Variants in GPRC6A observed in about 807,000 individuals in gnomAD.
GPRC6A encodes the protein G protein-coupled receptor family C group 6 member A.
In GPRC6A, 54 loss-of-function variants were observed where a neutral mutation model predicts 47.0. The ratio of observed to expected loss-of-function variants is 1.15; its 90% CI spans 0.92 to 1.44. The LOEUF (loss-of-function observed/expected upper bound fraction) is 1.44. GPRC6A is among the 40% of genes most tolerant of loss of function. The pLI is 0.00. For missense variants in GPRC6A, 1,112 were observed against 1,105.5 expected, an observed-to-expected ratio of 1.01 and a Z score of -0.08; for synonymous variants, 347 against 377.1, an observed-to-expected ratio of 0.92 and a Z score of 0.93.
intron 1 of GPRC6A, among the ~76,000 whole-genome samples, chr6:116,818,710 C>G (rs570885704): frequency 6.6e-6 from 1 of 151,462 alleles, no homozygotes; most frequent in South Asian, 2.1e-4. Context: ...GAAGGAAGCG[C>G]TAAACATGGA....
intron 1 of GPRC6A, among the ~76,000 whole-genome samples, chr6:116,817,385 G>A (rs1161013353): frequency 2.6e-5 from 4 of 151,024 alleles, no homozygotes; most frequent in African/African-American, 9.7e-5. Context: ...AAACCCATCT[G>A]TACATCACCA....
chr6:116,806,849 G>A lies in GPRC6A; in HGVS notation c.856C>T (p.Leu286Phe). ...TTCATTTCAATGGCTTTATTGAAGA[G>A]ATCAAAAACATGGAATTGCCTCAGA... ...VFLRQFHVFD[L>F]FNKAIEMNIN... The change falls in exon 3 of 6, where the codon CTC (leucine) becomes TTC (phenylalanine). Residue 286 changes from leucine (L) to phenylalanine (F), a missense_variant. Coordinates refer to ENST00000310357, the MANE Select transcript of GPRC6A (RefSeq NM_148963.4). 6.2e-7 allele frequency: 1 copy of A among 1,613,138 alleles called. No homozygotes were observed. Among genetic ancestry groups the A allele is most frequent in the Non-Finnish European group, 8.5e-7 (1 of 1,179,378 alleles).
intron 1 of GPRC6A, among the ~76,000 whole-genome samples, chr6:116,817,069 C>A (rs1340045947): frequency 6.6e-6 from 1 of 152,160 alleles, no homozygotes; most frequent in Non-Finnish European, 1.5e-5. Flanking sequence ...TCTGTAGGCT[C>A]CACCTCTGGG....
chr6:116,810,377 T>A (rs988734273), intron 1 of GPRC6A, among the ~76,000 whole-genome samples: 3 of 152,232 alleles, frequency 2.0e-5, no homozygotes, highest in African/African-American at 7.2e-5. Context: ...AATATTACTA[T>A]TTGTCATTGT....
chr6:116,821,703 A>AG (rs1773487498), intron 1 of GPRC6A, among the ~76,000 whole-genome samples: 1 of 152,026 alleles, frequency 6.6e-6, no homozygotes, highest in African/African-American at 2.4e-5. Context: ...TTAGACAAAA[A>AG]TCAATTCAAC....
chr6:116,827,199 G>T (rs1018020444), intron 1 of GPRC6A, among the ~76,000 whole-genome samples: 1 of 151,874 alleles, frequency 6.6e-6, no homozygotes, highest in Non-Finnish European at 1.5e-5. Context: ...TAGAAGAGAG[G>T]ACTTGAATTG....
chr6:116,795,684 C>T, intron 5 of GPRC6A, 28 bp downstream of exon 5: 1 of 1,525,528 alleles, frequency 6.6e-7, no homozygotes, highest in Non-Finnish European at 8.9e-7. Flanking sequence ...AGGAATGATT[C>T]AGGTGTATGT....
At position 116,800,697 on chromosome 6, in the gene GPRC6A, A is replaced by G. The variant is rs1456883862; in HGVS notation, c.1435T>C (p.Trp479Arg). ...GTCATGTGTCCATTGATCTCCTTCC[A>G]GAGCACAACATCATATCCAGTATTT... is the stretch of plus-strand genomic sequence containing the variant. ...DLNTGYDVVLWKEINGHMTVT... is the reference protein window; with the variant it reads ...DLNTGYDVVLRKEINGHMTVT... The change falls in exon 4 of 6, where the codon TGG becomes CGG. Residue 479 changes from tryptophan to arginine, a missense_variant. By Grantham distance (101) the Trp-to-Arg change is moderately radical (BLOSUM62 -3). Transcript: ENST00000310357. 1.2e-6 allele frequency: 2 copies of G among 1,610,342 alleles called. No homozygotes were observed. Among genetic ancestry groups the G allele is most frequent in the African/African-American group, 1.3e-5 (1 of 74,840 alleles).
chr6:116,798,179 G>C (rs1184546800), intron 4 of GPRC6A, among the ~76,000 whole-genome samples: 1 of 152,136 alleles, frequency 6.6e-6, no homozygotes, highest in Non-Finnish European at 1.5e-5. Context: ...GTGTTAAGGA[G>C]AAAAATAAGG....
At chr6:116,815,204 C>A (rs1773166689) in intron 1 of GPRC6A, among the ~76,000 whole-genome samples, 1 of 152,120 alleles carries the variant, frequency 6.6e-6, no homozygotes. Context: ...AACTTACGAC[C>A]AGGCATGGTA....
At chr6:116,819,977 A>C (rs1004041331) in intron 1 of GPRC6A, among the ~76,000 whole-genome samples, 3 of 150,404 alleles carry the variant, frequency 2.0e-5, no homozygotes, top group Non-Finnish European at 3.0e-5. Context: ...CTAATAAAGA[A>C]AAAAAGAGAG....
intron 1 of GPRC6A, among the ~76,000 whole-genome samples, chr6:116,821,597 C>G (rs957493666): frequency 6.6e-6 from 1 of 151,936 alleles, no homozygotes; most frequent in Non-Finnish European, 1.5e-5. Flanking sequence ...CTGAGAAAAA[C>G]AAGCAATGGG....
chr6:116,797,713 T>C (rs1582454601), intron 4 of GPRC6A, among the ~76,000 whole-genome samples: 1 of 152,188 alleles, frequency 6.6e-6, no homozygotes, highest in Non-Finnish European at 1.5e-5. Context: ...CAGTGTTTCT[T>C]GCAAAAATAA....
At chr6:116,796,825 C>T (rs1456882929) in intron 4 of GPRC6A, among the ~76,000 whole-genome samples, 1 of 152,144 alleles carries the variant, frequency 6.6e-6, no homozygotes. Flanking sequence ...CCAGGGCAAA[C>T]TTTTAACGTA....
chr6:116,813,832 T>C lies in GPRC6A; in HGVS notation c.195-4215A>G, dbSNP rs144493932. 4.0e-3 allele frequency among the ~76,000 whole-genome samples: 614 copies of C among 152,222 alleles called. 8 individuals carry two copies. Among genetic ancestry groups the C allele is most frequent in the Admixed American group, 0.02 (307 of 15,294 alleles). The stretch of plus-strand genomic sequence containing the variant: ...TAGAGTGAACAGGCAACTTACAGAA[T>C]GGGAGAAAATTATTGCAATCTACCC... On this transcript the variant is annotated intron_variant, in intron 1 of 5. Coordinates refer to ENST00000310357, the MANE Select transcript of GPRC6A (RefSeq NM_148963.4).
rs1239301853 is a variant in GPRC6A, at chr6:116,800,815, G to A, written c.1336-19C>T. 1 of 1,456,542 alleles carries A rather than the reference G, an allele frequency of 6.9e-7. No homozygotes were observed. The highest frequency in any genetic ancestry group is 2.3e-5 in the East Asian group (1 of 43,954). The allele number at this position is 1,456,542 out of a possible 1,614,324, so 90.2% of individuals were successfully genotyped here. The stretch of plus-strand genomic sequence containing the variant: ...CAAGTAACTATAAAAAATAAAAACA[G>A]AGATAAGCACTTAATATAAATGTTG... On this transcript the variant is annotated intron_variant, in intron 3 of 5. Transcript: ENST00000310357.
chr6:116,820,390 G>A (rs1316627007), intron 1 of GPRC6A, among the ~76,000 whole-genome samples: 1 of 152,016 alleles, frequency 6.6e-6, no homozygotes, highest in African/African-American at 2.4e-5. Flanking sequence ...CCAAAGCTGG[G>A]CAGAGACACA....
At chr6:116,804,937 T>C (rs548532244) in intron 3 of GPRC6A, among the ~76,000 whole-genome samples, 1 of 152,182 alleles carries the variant, frequency 6.6e-6, no homozygotes, top group East Asian at 1.9e-4. Context: ...TGTGGTGGTA[T>C]TATTACTGTA....
At chr6:116,808,689 T>G (rs1285535147) in intron 2 of GPRC6A, among the ~76,000 whole-genome samples, 1 of 152,174 alleles carries the variant, frequency 6.6e-6, no homozygotes, top group East Asian at 1.9e-4. Context: ...CTTTTCTAAC[T>G]TTTGGCTTCT....
Sources: allele counts gnomAD v4.1 joint callset (sites outside exome capture counted in the v4.1 genomes callset), GRCh38; gene constraint gnomAD v4.1.1; transcripts MANE v1.5; gene names NCBI Gene and HGNC (gene_info 2026-07-23, HGNC 2026-07-21).